CC2D2A: variants seen among roughly 807,000 people sequenced by gnomAD.
CC2D2A encodes coiled-coil and C2 domain containing 2A.
Under a neutral mutation model 212.9 loss-of-function variants are expected in CC2D2A, and 155 were observed. The observed-to-expected ratio is 0.73, with a 90% CI of 0.64 to 0.83. The LOEUF is 0.83. Among genes scored for constraint, CC2D2A ranks in the 40% least tolerant of loss-of-function variants. CC2D2A has a pLI of 0.00. For missense variants in CC2D2A, 1,856 were observed against 1,956.2 expected (o/e 0.95, Z 0.97); for synonymous variants, 667 against 686.5 (o/e 0.97, Z 0.44).
At chr4:15,539,063 T>A (rs570850136) in intron 16 of CC2D2A, among the ~76,000 whole-genome samples, 1 of 152,220 alleles carries the variant, frequency 6.6e-6, no homozygotes, top group Non-Finnish European at 1.5e-5. Flanking sequence ...ACCCCAAACA[T>A]TTTTAATACC....
intron 2 of CC2D2A, among the ~76,000 whole-genome samples, chr4:15,478,285 G>C (rs951929962): frequency 6.6e-6 from 1 of 152,212 alleles, no homozygotes; most frequent in Non-Finnish European, 1.5e-5. Flanking sequence ...TGGTAAGGCT[G>C]GAAAGCAGAA....
chr4:15,595,157 G>C (rs752441830), intron 33 of CC2D2A, among the ~76,000 whole-genome samples: 2 of 152,084 alleles, frequency 1.3e-5, no homozygotes, highest in African/African-American at 2.4e-5. Context: ...TGTAAGGGTA[G>C]AAAATCTGTT....
chr4:15,514,897 A>G lies in CC2D2A; in HGVS notation c.880+28A>G, dbSNP rs1262455856. ...ACTTGCTCTTTTTATTTTCTTGTTC[A>G]GCTTAGACATCGTCACTTACCTTGT... On this transcript the variant is annotated intron_variant, in intron 9 of 36. Transcript: ENST00000424120. 4 of 1,604,514 alleles carry G rather than the reference A, an allele frequency of 2.5e-6. No homozygotes were observed. In the South Asian group the frequency reaches 4.4e-5, roughly 18 times the overall value.
intron 4 of CC2D2A, among the ~76,000 whole-genome samples, chr4:15,491,436 ACT>A (rs2108986886): frequency 6.6e-6 from 1 of 152,182 alleles, no homozygotes; most frequent in South Asian, 2.1e-4. Context: ...CATGAGTCTC[ACT>A]CTGTCACCCA....
rs1181916383 is a variant in CC2D2A at position 15,579,985 on chromosome 4, T to C, written c.3789T>C (p.Asp1263=). Residue 1263 remains aspartate (D), a synonymous_variant, in exon 30 of 37, where the codon GAT becomes GAC. Coordinates refer to ENST00000424120, the MANE Select transcript of CC2D2A (RefSeq NM_001378615.1). ...SIREKFESQE[D]EKLLQATEKF... is the part of the protein sequence containing the mutation. ...TTTTGAAGTTTGAGTCTCAGGAAGA[T>C]GAGAAATTACTTCAAGCAACTGAGA... The C allele has an allele frequency of 6.2e-7, 1 of 1,613,184 alleles. No individual in the cohort carries two copies. Among genetic ancestry groups the C allele is most frequent in the East Asian group, 2.2e-5 (1 of 44,862 alleles).
rs756147188 is a variant in CC2D2A at position 15,552,336 on chromosome 4, C to T, written c.2339-822C>T. Among the ~76,000 whole-genome samples, 10 of 152,264 alleles carry T rather than the reference C, an allele frequency of 6.6e-5. No individual in the cohort carries two copies. The South Asian group carries it at 8.3e-4, about 13-fold the overall frequency. On this transcript the variant is annotated intron_variant, in intron 18 of 36. Transcript: ENST00000424120. ...TGTCTTAGGGTGCTTGCACTTGTTC[C>T]TTCTGCCAGTAATGCTCTTTTCCAA... is the stretch of plus-strand genomic sequence containing the variant.
intron 11 of CC2D2A, among the ~76,000 whole-genome samples, chr4:15,522,133 C>G (rs1382987662): frequency 6.6e-6 from 1 of 152,144 alleles, no homozygotes; most frequent in African/African-American, 2.4e-5. Flanking sequence ...CCCAGGAGCT[C>G]AAGGTTGTAG....
chr4:15,600,318 TAGAG>T (rs1398225619), intron 36 of CC2D2A, among the ~76,000 whole-genome samples: 1 of 152,172 alleles, frequency 6.6e-6, no homozygotes, highest in Non-Finnish European at 1.5e-5. Flanking sequence ...GCTTGAGCAA[TAGAG>T]AATCTACTGG....
At chr4:15,580,432 G>C (rs1378992864) in intron 30 of CC2D2A, among the ~76,000 whole-genome samples, 1 of 152,186 alleles carries the variant, frequency 6.6e-6, no homozygotes, top group Non-Finnish European at 1.5e-5. Context: ...GAGGCCAGGA[G>C]TTTGACACTA....
intron 30 of CC2D2A, among the ~76,000 whole-genome samples, chr4:15,582,292 G>T (rs79867298): frequency 0.033 from 5,062 of 152,070 alleles, 107 homozygotes; most frequent in Middle Eastern, 0.052. Context: ...CACAAGCAAA[G>T]AAATTATTTG....
At chr4:15,478,615 A>G (rs1050594589) in intron 2 of CC2D2A, 108 bp from the exon 3 acceptor site, 2 of 738,350 alleles carry the variant, frequency 2.7e-6, no homozygotes, top group Non-Finnish European at 4.5e-6. Flanking sequence ...CACACTCAGC[A>G]TTACTGGATA....
At chr4:15,564,346 T>C (rs1421045559) in intron 24 of CC2D2A, 2 of 152,308 alleles carry the variant, frequency 1.3e-5, no homozygotes, top group Non-Finnish European at 1.5e-5. Flanking sequence ...ATTACTGGTG[T>C]GAGCCAATGC....
In CC2D2A at chr4:15,570,424, C is replaced by T; in HGVS notation, c.3522C>T (p.Ile1174=). 6.2e-7 allele frequency: 1 copy of T among 1,605,386 alleles called. No homozygotes were observed. Among genetic ancestry groups the T allele is most frequent in the Admixed American group, 1.7e-5 (1 of 59,600 alleles). Residue 1174 remains isoleucine (I), a synonymous_variant, in exon 28 of 37, where the codon ATC becomes ATT. Coordinates refer to ENST00000424120, the MANE Select transcript of CC2D2A (RefSeq NM_001378615.1). ...LEDDRERGSG[I]HTRIERHWLG... is the part of the protein sequence containing the mutation. Reference sequence around the variant, plus strand: ...ATGACCGTGAAAGAGGAAGTGGAATCCATACTCGTATTGAGAGACACTGGC... The same window carrying T: ...ATGACCGTGAAAGAGGAAGTGGAATTCATACTCGTATTGAGAGACACTGGC...
intron 33 of CC2D2A, among the ~76,000 whole-genome samples, chr4:15,591,743 G>C (rs1721119024): frequency 6.6e-6 from 1 of 152,094 alleles, no homozygotes; most frequent in Non-Finnish European, 1.5e-5. Context: ...ACATTTAGAG[G>C]ATCATTTTAA....
rs778174968 is a variant in CC2D2A at position 15,555,099 on chromosome 4, A to G, written c.2514A>G (p.Ser838=). The G allele has an allele frequency of 2.5e-6, 4 of 1,613,148 alleles. No individual in the cohort carries two copies. Among genetic ancestry groups the G allele is most frequent in the Non-Finnish European group, 3.4e-6 (4 of 1,179,622 alleles). ...RSALKKADAI[S]SIGTSGLTDM... ...CTTTGAAGAAAGCAGATGCCATCTC[A>G]TCTATTGGCACATCAGGACTGACAG... Residue 838 remains serine (S), a synonymous_variant, in exon 20 of 37, where the codon TCA becomes TCG. Coordinates refer to ENST00000424120, the MANE Select transcript of CC2D2A (RefSeq NM_001378615.1).
At chr4:15,585,020 G>A (rs1720802730) in intron 30 of CC2D2A, among the ~76,000 whole-genome samples, 1 of 152,146 alleles carries the variant, frequency 6.6e-6, no homozygotes, top group African/African-American at 2.4e-5. Context: ...TCTGAAGAAA[G>A]AGGAACTCTT....
At position 15,478,806 on chromosome 4, in the gene CC2D2A, G is replaced by A; in HGVS notation, c.123G>A (p.Gln41=). ...TTCGAAGACAGCCAAGAAAGAAACAGGTAAGAAGTGACAAGAAACTGTGTC... is the reference window on the plus strand; with the variant it reads ...TTCGAAGACAGCCAAGAAAGAAACAAGTAAGAAGTGACAAGAAACTGTGTC... ...SKVRRQPRKK[Q]PPTAVPKEMV... Residue 41 remains glutamine (Q), a splice_region_variant and synonymous_variant, in exon 3 of 37, where the codon CAG becomes CAA. Transcript: ENST00000424120. The A allele has an allele frequency of 1.3e-6, 2 of 1,551,346 alleles. No homozygotes were observed. The highest frequency in any genetic ancestry group is 1.7e-6 in the Non-Finnish European group (2 of 1,146,228).
At chr4:15,502,781 C>G (rs1192004140) in intron 5 of CC2D2A, 41 bp from the exon 6 acceptor site, 3 of 1,507,876 alleles carry the variant, frequency 2.0e-6, no homozygotes, top group Non-Finnish European at 2.7e-6. Flanking sequence ...TCTCGGCATT[C>G]CTGACATCAT....
chr4:15,570,504 T>C lies in CC2D2A; in HGVS notation c.3594+8T>C, dbSNP rs886038409. 3.8e-6 allele frequency: 6 copies of C among 1,572,160 alleles called. No homozygotes were observed. Among genetic ancestry groups the C allele is most frequent in the Non-Finnish European group, 5.2e-6 (6 of 1,147,900 alleles). On this transcript the variant is annotated splice_region_variant and intron_variant, in intron 28 of 36. Transcript: ENST00000424120. ...ATATATTTCCAAGCAAGGGTAAGTA[T>C]CTAAAGTTAGAGGTCCATGAGAGCA...
Sources: gnomAD v4.1 joint callset for allele counts (sites outside exome capture counted in the v4.1 genomes callset) on GRCh38, gnomAD v4.1.1 for gene constraint, MANE v1.5 for transcripts, NCBI Gene and HGNC (gene_info 2026-07-23, HGNC 2026-07-21) for gene names.